The following FDFT1 variants were observed in gnomAD, a reference collection of about 807,000 sequenced individuals.
The protein encoded by FDFT1 is squalene synthase.
FDFT1 carries 68 observed loss-of-function variants against 46.8 expected under a neutral mutation model. That is an observed-to-expected ratio of 1.45 (90% confidence interval 1.19 to 1.78). The LOEUF is 1.78. Ranked by LOEUF, FDFT1 falls within the 40% of genes most tolerant of loss-of-function variation. FDFT1 has a pLI of 0.00. For missense variants in FDFT1, 928 were observed against 524.4 expected (o/e 1.77, Z -7.52); for synonymous variants, 351 against 185.1 (o/e 1.90, Z -7.28).
At chr8:11,801,153 G>C (rs1806079431), upstream of FDFT1, among the ~76,000 whole-genome samples, 1 of 152,168 alleles carries the variant, frequency 6.6e-6, no homozygotes, top group Non-Finnish European at 1.5e-5. Flanking sequence ...CAGGAATAGT[G>C]AACAGCTAGA....
At chr8:11,812,729 A>T (rs970666576) in intron 3 of FDFT1, among the ~76,000 whole-genome samples, 1 of 152,200 alleles carries the variant, frequency 6.6e-6, no homozygotes, top group Non-Finnish European at 1.5e-5. Context: ...AGAATTTAGG[A>T]ATAAGCCTCA....
chr8:11,815,970 G>A (rs112333172), intron 3 of FDFT1, among the ~76,000 whole-genome samples: 8,848 of 152,108 alleles, frequency 0.058, 442 homozygotes, highest in African/African-American at 0.13. Flanking sequence ...GGTATTGACT[G>A]CATTTTCTTC....
intron 3 of FDFT1, among the ~76,000 whole-genome samples, chr8:11,818,486 G>T (rs1245835727): frequency 1.3e-5 from 2 of 152,180 alleles, no homozygotes; most frequent in African/African-American, 4.8e-5. Flanking sequence ...CAATAATAAT[G>T]AGAGACTTTA....
intron 7 of FDFT1, 156 bp downstream of exon 7, chr8:11,831,826 C>G (rs1810846589): frequency 3.0e-6 from 2 of 671,000 alleles, no homozygotes; most frequent in Non-Finnish European, 5.1e-6. Flanking sequence ...GGAAAAAAGT[C>G]TATTCACAGG....
At position 11,826,068 on chromosome 8, in the gene FDFT1, T is replaced by A. The variant is rs1349076323; in HGVS notation, c.555T>A (p.Arg185=). Residue 185 remains arginine (R), a synonymous_variant, in exon 5 of 8, where the codon CGT becomes CGA. Coordinates refer to ENST00000220584, the MANE Select transcript of FDFT1 (RefSeq NM_004462.5). ...GGCTGGTCGGAATTGGCCTTTCCCG[T>A]CTTTTCTCAGCCTCAGAGTTTGAAG... ...VAGLVGIGLS[R]LFSASEFEDP... 1 of 1,605,888 alleles carries A rather than the reference T, an allele frequency of 6.2e-7. No homozygotes were observed. Among genetic ancestry groups the A allele is most frequent in the South Asian group, 1.1e-5 (1 of 90,566 alleles).
chr8:11,826,264 G>A, intron 5 of FDFT1, 49 bp downstream of exon 5: 2 of 1,372,840 alleles, frequency 1.5e-6, no homozygotes, highest in South Asian at 1.6e-5. Flanking sequence ...GACATTCTCT[G>A]AAAAATCCTT....
At chr8:11,797,396 C>A (rs1011523485), upstream of FDFT1, among the ~76,000 whole-genome samples, 30 of 152,248 alleles carry the variant, frequency 2.0e-4, no homozygotes, top group South Asian at 6.2e-3. Context: ...CAAATAGCAC[C>A]ATCACATAAC....
chr8:11,802,961 C>G (rs1380570569), intron 1 of FDFT1, 30 bp downstream of exon 1: 5 of 1,570,842 alleles, frequency 3.2e-6, no homozygotes, highest in Non-Finnish European at 4.3e-6. Context: ...TTGCCCGGGG[C>G]GGGGAAGGAG....
intron 1 of FDFT1, chr8:11,803,555 C>A: frequency 9.6e-7 from 1 of 1,038,664 alleles, no homozygotes; most frequent in South Asian, 1.7e-5. Context: ...TTATCTGCCT[C>A]ATGCCTGTAC....
intron 3 of FDFT1, among the ~76,000 whole-genome samples, chr8:11,820,607 C>T (rs1809097280): frequency 6.6e-6 from 1 of 152,218 alleles, no homozygotes; most frequent in Non-Finnish European, 1.5e-5. Flanking sequence ...CAAGCTCCAG[C>T]ATCCCAGCTT....
At chr8:11,832,576 A>AAAAAAAAAAAAAAAAAAAAAAAT (rs139242873) in intron 7 of FDFT1, among the ~76,000 whole-genome samples, 3 of 134,846 alleles carry the variant, frequency 2.2e-5, no homozygotes, top group Non-Finnish European at 3.1e-5. Flanking sequence ...AAAAAAAAAA[A>AAAAAAAAAAAAAAAAAAAAAAAT]GTCTTAGAGA....
upstream of FDFT1, among the ~76,000 whole-genome samples, chr8:11,798,673 C>G (rs1327406101): frequency 1.3e-5 from 2 of 152,192 alleles, no homozygotes; most frequent in Admixed American, 6.5e-5. Flanking sequence ...GGCACGTTAA[C>G]TAACTTTGCA....
chr8:11,827,039 G>GAC (rs1434409822), intron 5 of FDFT1, among the ~76,000 whole-genome samples: 1 of 152,204 alleles, frequency 6.6e-6, no homozygotes, highest in Admixed American at 6.5e-5. Context: ...TTAAAACATG[G>GAC]ACAGGGAACA....
chr8:11,824,033 T>C (rs1197954992), intron 4 of FDFT1, among the ~76,000 whole-genome samples: 3 of 151,930 alleles, frequency 2.0e-5, no homozygotes, highest in African/African-American at 7.3e-5. Flanking sequence ...CTCAGCCTTT[T>C]AAAATTTTTT....
Position 11,802,815 on chromosome 8 carries a change from T to C in FDFT1, c.-18T>C, listed in dbSNP as rs1806299775. ...CAGAGGTGAGAGTCGCGCCCGGGAG[T>C]CCGCCGCCTGCGCCAGGATGGAGTT... On this transcript the variant is annotated 5_prime_UTR_variant, in exon 1 of 8. Transcript: ENST00000220584. 5 of 1,595,612 alleles carry C rather than the reference T, an allele frequency of 3.1e-6. No homozygotes were observed. The highest frequency in any genetic ancestry group is 1.7e-4 in the Middle Eastern group (1 of 6,004).
At position 11,802,754 on chromosome 8, in the gene FDFT1, CA is replaced by C; in HGVS notation, c.-78del. On this transcript the variant is annotated 5_prime_UTR_variant, in exon 1 of 8. Transcript: ENST00000220584. ...GGCCAGCCCCTCGAAGCACCTACTCCACAGGTCCAGCCGGCCGGTGAGCGCC... is the reference window on the plus strand; with the variant it reads ...GGCCAGCCCCTCGAAGCACCTACTCCCAGGTCCAGCCGGCCGGTGAGCGCC... The C allele has an allele frequency of 8.7e-7, 1 of 1,154,292 alleles. No individual in the cohort carries two copies. The allele number at this position is 1,154,292 out of a possible 1,614,324, so 71.5% of individuals were successfully genotyped here.
intron 7 of FDFT1, among the ~76,000 whole-genome samples, chr8:11,837,431 T>C (rs925122194): frequency 6.6e-6 from 1 of 152,150 alleles, no homozygotes; most frequent in East Asian, 1.9e-4. Flanking sequence ...AGGGTTTTAC[T>C]GTGTTGTCCA....
chr8:11,832,550 T>TAAAAAAAAAAAAAAA, intron 7 of FDFT1, among the ~76,000 whole-genome samples: 1 of 13,412 alleles, frequency 7.5e-5, no homozygotes, highest in Non-Finnish European at 1.8e-4. Context: ...AGACTTTGTC[T>TAAAAAAAAAAAAAAA]CAAAAAAAAA....
chr8:11,813,788 C>A (rs1347737641), intron 3 of FDFT1, among the ~76,000 whole-genome samples: 1 of 152,122 alleles, frequency 6.6e-6, no homozygotes, highest in African/African-American at 2.4e-5. Context: ...TGTTGTGAAA[C>A]AGAATTACCT....
Sources: gnomAD v4.1 joint callset for allele counts (sites outside exome capture counted in the v4.1 genomes callset) on GRCh38, gnomAD v4.1.1 for gene constraint, MANE v1.5 for transcripts, NCBI Gene and HGNC (gene_info 2026-07-23, HGNC 2026-07-21) for gene names.